AGBL4: variants seen among roughly 807,000 people sequenced by gnomAD.
AGBL4 encodes the protein cytosolic carboxypeptidase 6.
Under a neutral mutation model 66.4 loss-of-function variants are expected in AGBL4, and 58 were observed. That is an observed-to-expected ratio of 0.87 (90% CI 0.71 to 1.09). The LOEUF is 1.09. AGBL4 is among the 50% of genes least tolerant of loss of function. The pLI is 0.00. For missense variants in AGBL4, 579 were observed against 631.0 expected (o/e 0.92, Z 0.88); for synonymous variants, 234 against 222.9 (o/e 1.05, Z -0.44).
chr1:49,208,201 C>T (rs1173356826), intron 4 of AGBL4, among the ~76,000 whole-genome samples: 1 of 152,046 alleles, frequency 6.6e-6, no homozygotes, highest in Non-Finnish European at 1.5e-5. Context: ...TGCCCCAAAT[C>T]ACTCAAGAAG....
chr1:49,665,301 G>GT (rs1646342803), intron 3 of AGBL4, among the ~76,000 whole-genome samples: 1 of 151,892 alleles, frequency 6.6e-6, no homozygotes, highest in East Asian at 1.9e-4. Context: ...TTTTGTTTTT[G>GT]TTTTTGTTTT....
intron 1 of AGBL4, among the ~76,000 whole-genome samples, chr1:50,010,549 C>T (rs1015768005): frequency 6.6e-6 from 1 of 151,790 alleles, no homozygotes; most frequent in African/African-American, 2.4e-5. Flanking sequence ...TGGAGGATCA[C>T]ATTACCTGAT....
intron 4 of AGBL4, among the ~76,000 whole-genome samples, chr1:49,191,870 CAT>C (rs1242945802): frequency 6.6e-6 from 1 of 152,190 alleles, no homozygotes. Context: ...CATTGATGGA[CAT>C]CTAGGTTGAT....
chr1:48,882,040 G>A (rs1334462980), intron 5 of AGBL4, among the ~76,000 whole-genome samples: 3 of 152,202 alleles, frequency 2.0e-5, no homozygotes, highest in African/African-American at 7.2e-5. Flanking sequence ...CTTGAGGTCA[G>A]GAGTTTGAGA....
chr1:49,854,161 T>C (rs964797986), intron 1 of AGBL4, among the ~76,000 whole-genome samples: 5 of 104,084 alleles, frequency 4.8e-5, no homozygotes, highest in Non-Finnish European at 9.8e-5. Context: ...AGAAGATGGA[T>C]GACTATAGGT....
chr1:48,988,014 TAA>T (rs1235907650), intron 5 of AGBL4, among the ~76,000 whole-genome samples: 2 of 152,092 alleles, frequency 1.3e-5, no homozygotes, highest in Non-Finnish European at 2.9e-5. Context: ...GAAAGCTGTG[TAA>T]AAAGACTGCT....
At chr1:49,927,928 A>T (rs894765433) in intron 1 of AGBL4, among the ~76,000 whole-genome samples, 1 of 152,242 alleles carries the variant, frequency 6.6e-6, no homozygotes, top group Non-Finnish European at 1.5e-5. Flanking sequence ...ATAGACAAGG[A>T]CATAAAAACT....
chr1:48,560,843 T>G (rs1644385779), intron 11 of AGBL4, among the ~76,000 whole-genome samples: 2 of 152,246 alleles, frequency 1.3e-5, no homozygotes, highest in African/African-American at 2.4e-5. Flanking sequence ...ACTAATTTAG[T>G]AGGCACTATA....
chr1:49,373,535 G>A (rs1046713754), intron 3 of AGBL4, among the ~76,000 whole-genome samples: 5 of 152,072 alleles, frequency 3.3e-5, no homozygotes, highest in Non-Finnish European at 7.4e-5. Context: ...AATTCTGGAA[G>A]AAGAAGGTAA....
chr1:48,630,810 A>G (rs936131966), intron 9 of AGBL4, among the ~76,000 whole-genome samples: 1 of 152,164 alleles, frequency 6.6e-6, no homozygotes, highest in Non-Finnish European at 1.5e-5. Flanking sequence ...GGTAACAGCC[A>G]CACTGAATGA....
intron 6 of AGBL4, among the ~76,000 whole-genome samples, chr1:48,831,925 G>A (rs151177073): frequency 8.5e-4 from 130 of 152,306 alleles, no homozygotes; most frequent in African/African-American, 3.0e-3. Flanking sequence ...GGAGGGATGT[G>A]AGAAAGATTC....
intron 2 of AGBL4, among the ~76,000 whole-genome samples, chr1:49,731,760 A>C (rs1649470908): frequency 6.6e-6 from 1 of 152,212 alleles, no homozygotes; most frequent in Non-Finnish European, 1.5e-5. Flanking sequence ...GAAAAGTATA[A>C]ATATGAAACT....
intron 3 of AGBL4, among the ~76,000 whole-genome samples, chr1:49,407,065 CAAAAAAAAAAAAAA>C (rs57974289): frequency 1.2e-4 from 3 of 25,914 alleles, no homozygotes; most frequent in Non-Finnish European, 2.7e-4. Context: ...ACTCTGCCTC[CAAAAAAAAAAAAAA>C]AAAAAAAAAA....
chr1:49,491,647 GAA>G (rs1647186397), intron 3 of AGBL4, among the ~76,000 whole-genome samples: 1 of 151,870 alleles, frequency 6.6e-6, no homozygotes, highest in African/African-American at 2.4e-5. Context: ...AACCTTCTCA[GAA>G]AAGGCTGGCT....
intron 3 of AGBL4, among the ~76,000 whole-genome samples, chr1:49,679,721 T>A (rs1464182034): frequency 6.6e-6 from 1 of 152,164 alleles, no homozygotes; most frequent in Non-Finnish European, 1.5e-5. Flanking sequence ...TTCATAGTGT[T>A]TTTCAATATA....
At chr1:49,482,264 T>C (rs987668548) in intron 3 of AGBL4, among the ~76,000 whole-genome samples, 8 of 151,796 alleles carry the variant, frequency 5.3e-5, no homozygotes, top group African/African-American at 1.9e-4. Context: ...TGGTCCTGGG[T>C]AGGTAGGACC....
chr1:49,320,996 G>T (rs139197060), intron 3 of AGBL4, among the ~76,000 whole-genome samples: 5 of 152,216 alleles, frequency 3.3e-5, no homozygotes, highest in Admixed American at 6.5e-5. Flanking sequence ...CAGCATGGGG[G>T]AAACAGCCCT....
At chr1:49,878,573 C>A (rs1168414203) in intron 1 of AGBL4, among the ~76,000 whole-genome samples, 1 of 152,016 alleles carries the variant, frequency 6.6e-6, no homozygotes, top group Non-Finnish European at 1.5e-5. Context: ...GAGTGCTTTA[C>A]CTCCAACTAT....
At chr1:48,815,553 A>T (rs1646153143) in intron 6 of AGBL4, among the ~76,000 whole-genome samples, 1 of 152,184 alleles carries the variant, frequency 6.6e-6, no homozygotes, top group African/African-American at 2.4e-5. Context: ...CTAAAAAAAA[A>T]TAGGTGTCAT....
Sources: gnomAD v4.1 joint callset for allele counts (sites outside exome capture counted in the v4.1 genomes callset) on GRCh38, gnomAD v4.1.1 for gene constraint, MANE v1.5 for transcripts, NCBI Gene and HGNC (gene_info 2026-07-23, HGNC 2026-07-21) for gene names.